PDE3A: variants seen among roughly 807,000 people sequenced by gnomAD.
The protein encoded by PDE3A is cGMP-inhibited 3',5'-cyclic phosphodiesterase 3A.
A neutral mutation model predicts 98.3 loss-of-function variants in PDE3A; 43 were observed. The observed-to-expected ratio is 0.44, with a 90% CI of 0.34 to 0.56. The LOEUF (loss-of-function observed/expected upper bound fraction) is 0.56. Among genes scored for constraint, PDE3A ranks in the 20% least tolerant of loss-of-function variants. The pLI is 0.01. For synonymous variants in PDE3A, 663 were observed against 567.9 expected, an observed-to-expected ratio of 1.17 and a Z score of -2.38; for missense variants, 1,427 against 1,440.7, an observed-to-expected ratio of 0.99 and a Z score of 0.15.
At chr12:20,395,629 T>C (rs985904803) in intron 1 of PDE3A, among the ~76,000 whole-genome samples, 1 of 147,186 alleles carries the variant, frequency 6.8e-6, no homozygotes, top group Non-Finnish European at 1.5e-5. Context: ...ATTATATATG[T>C]ATACTATATA....
At chr12:20,429,748 A>AT (rs1286207430) in intron 1 of PDE3A, among the ~76,000 whole-genome samples, 5 of 152,070 alleles carry the variant, frequency 3.3e-5, no homozygotes, top group Admixed American at 2.0e-4. Context: ...AGTATGTTTA[A>AT]TTTTTTCTAG....
At chr12:20,607,002 G>A (rs1486704803) in intron 2 of PDE3A, among the ~76,000 whole-genome samples, 1 of 152,018 alleles carries the variant, frequency 6.6e-6, no homozygotes, top group Non-Finnish European at 1.5e-5. Flanking sequence ...TATGATGAGT[G>A]AAATAACTTA....
rs1348580 is a variant in PDE3A at position 20,378,701 on chromosome 12, T to C, written c.960+8457T>C. ...TGAAGAAGCTAGCTGAAGAATGAAA[T>C]GTCATTGTAACACACATCTGTTTCT... On this transcript the variant is annotated intron_variant, in intron 1 of 15. Transcript: ENST00000359062. Among the ~76,000 whole-genome samples, 1,282 of 151,864 alleles carry C rather than the reference T, an allele frequency of 8.4e-3. 13 individuals are homozygous for C. The highest frequency in any genetic ancestry group is 0.029 in the African/African-American group (1,218 of 41,498).
At chr12:20,375,529 G>A (rs1055084782) in intron 1 of PDE3A, among the ~76,000 whole-genome samples, 11 of 151,952 alleles carry the variant, frequency 7.2e-5, no homozygotes, top group Admixed American at 7.2e-4. Flanking sequence ...AAAAATATTA[G>A]TTGACCATAC....
At position 20,431,459 on chromosome 12, in the gene PDE3A, C is replaced by A. The variant is rs535207037; in HGVS notation, c.960+61215C>A. 5.3e-5 allele frequency among the ~76,000 whole-genome samples: 8 copies of A among 152,120 alleles called. No individual in the cohort carries two copies. In the South Asian group the frequency reaches 1.7e-3, roughly 32 times the overall value. ...TTTATTAGTTTCATGACATTAGTTT[C>A]CTTAGCTGCCTTTCTGAGAATGGTC... On this transcript the variant is annotated intron_variant, in intron 1 of 15. Coordinates refer to ENST00000359062, the MANE Select transcript of PDE3A (RefSeq NM_000921.5).
chr12:20,604,207 A>G (rs943798710), intron 2 of PDE3A, among the ~76,000 whole-genome samples: 165 of 144,090 alleles, frequency 1.1e-3, no homozygotes, highest in African/African-American at 3.9e-3. Context: ...AGAGGAGAGA[A>G]GAGGGGAGGG....
At chr12:20,370,993 T>C (rs1413786275) in intron 1 of PDE3A, among the ~76,000 whole-genome samples, 1 of 152,256 alleles carries the variant, frequency 6.6e-6, no homozygotes, top group Non-Finnish European at 1.5e-5. Context: ...AACAGTTCTC[T>C]TTAGTATGTG....
Position 20,370,020 on chromosome 12 carries a change from G to GAT in PDE3A, c.736_737insAT (p.Val246AspfsTer31), listed in dbSNP as rs1443910416. ...ACCTTACCTGGCGTACCTGGCCGGC[G>GAT]TGCTGGGGATCCTCTTGGCCAGGTA... On this transcript the variant is annotated frameshift_variant, in exon 1 of 16. Coordinates refer to ENST00000359062, the MANE Select transcript of PDE3A (RefSeq NM_000921.5). LOFTEE classifies it high-confidence loss of function. The GAT allele has an allele frequency of 5.0e-6, 8 of 1,612,880 alleles. No homozygotes were observed. The highest frequency in any genetic ancestry group is 4.2e-6 in the Non-Finnish European group (5 of 1,179,956).
chr12:20,481,954 C>T (rs1242684772), intron 1 of PDE3A, among the ~76,000 whole-genome samples: 5 of 151,506 alleles, frequency 3.3e-5, no homozygotes, highest in East Asian at 1.9e-4. Flanking sequence ...TTTGTAGAGA[C>T]GGGATTTCAC....
intron 2 of PDE3A, among the ~76,000 whole-genome samples, chr12:20,611,179 A>T (rs933654128): frequency 6.6e-6 from 1 of 151,522 alleles, no homozygotes; most frequent in African/African-American, 2.4e-5. Context: ...AATTATTTTT[A>T]AAATAAGTAA....
At chr12:20,459,324 G>T (rs892279403) in intron 1 of PDE3A, among the ~76,000 whole-genome samples, 12 of 152,096 alleles carry the variant, frequency 7.9e-5, no homozygotes, top group Admixed American at 6.6e-5. Flanking sequence ...TAGGATAGTT[G>T]TGAAATCTTT....
intron 15 of PDE3A, among the ~76,000 whole-genome samples, chr12:20,670,385 T>G (rs571337414): frequency 6.7e-6 from 1 of 149,924 alleles, no homozygotes; most frequent in Non-Finnish European, 1.5e-5. Context: ...CCCAAATCAA[T>G]AGAATATACA....
At chr12:20,468,144 A>T (rs1186294022) in intron 1 of PDE3A, among the ~76,000 whole-genome samples, 2 of 152,082 alleles carry the variant, frequency 1.3e-5, no homozygotes, top group Non-Finnish European at 2.9e-5. Context: ...ATTGATTTTG[A>T]TACATAAATT....
At chr12:20,527,414 T>C (rs1407077459) in intron 1 of PDE3A, among the ~76,000 whole-genome samples, 1 of 152,158 alleles carries the variant, frequency 6.6e-6, no homozygotes, top group East Asian at 1.9e-4. Context: ...TTCTTTTTCT[T>C]CTCTAATAAT....
At chr12:20,396,070 A>G (rs891183931) in intron 1 of PDE3A, among the ~76,000 whole-genome samples, 1 of 152,004 alleles carries the variant, frequency 6.6e-6, no homozygotes, top group African/African-American at 2.4e-5. Flanking sequence ...CTATTCTTCC[A>G]TATTGTCATA....
intron 7 of PDE3A, 37 bp downstream of exon 7, chr12:20,633,815 A>C (rs1944439012): frequency 1.6e-6 from 2 of 1,253,474 alleles, no homozygotes; most frequent in Non-Finnish European, 2.3e-6. Context: ...CCCAAAATGG[A>C]AATTGCCTTA....
intron 2 of PDE3A, among the ~76,000 whole-genome samples, chr12:20,563,386 G>A (rs922787444): frequency 9.2e-5 from 14 of 152,010 alleles, no homozygotes; most frequent in Admixed American, 4.6e-4. Flanking sequence ...ATGACCAGCC[G>A]TATTTCCCAG....
chr12:20,426,238 C>T (rs370808287), intron 1 of PDE3A, among the ~76,000 whole-genome samples: 2 of 152,124 alleles, frequency 1.3e-5, no homozygotes, highest in Non-Finnish European at 1.5e-5. Flanking sequence ...CTGCTTGTTA[C>T]TAGAGCTCAT....
chr12:20,499,096 G>A (rs1028819426), intron 1 of PDE3A, among the ~76,000 whole-genome samples: 4 of 152,152 alleles, frequency 2.6e-5, no homozygotes, highest in African/African-American at 7.2e-5. Flanking sequence ...CCTGTTGTGT[G>A]CTCTGACATC....
Sources: allele counts gnomAD v4.1 joint callset (sites outside exome capture counted in the v4.1 genomes callset), GRCh38; gene constraint gnomAD v4.1.1; transcripts MANE v1.5; gene names NCBI Gene and HGNC (gene_info 2026-07-23, HGNC 2026-07-21).